The following CCDC170 variants were observed in gnomAD, a reference collection of about 807,000 sequenced individuals.
CCDC170 encodes coiled-coil domain-containing protein 170.
Under a neutral mutation model 72.6 loss-of-function variants are expected in CCDC170, and 69 were observed. The ratio of observed to expected loss-of-function variants is 0.95; its 90% CI spans 0.78 to 1.16. The LOEUF (loss-of-function observed/expected upper bound fraction) is 1.16. Among genes scored for constraint, CCDC170 ranks in the 50% most tolerant of loss-of-function variants. The pLI is 0.00. For synonymous variants in CCDC170, 300 were observed against 303.9 expected (o/e 0.99, Z 0.13); for missense variants, 852 against 832.5 (o/e 1.02, Z -0.29).
At chr6:151,518,631 G>A (rs1664990896) in intron 1 of CCDC170, among the ~76,000 whole-genome samples, 1 of 135,006 alleles carries the variant, frequency 7.4e-6, no homozygotes, top group South Asian at 2.4e-4. Flanking sequence ...GATAAACAAG[G>A]GGTATATGTA....
At chr6:151,580,022 T>C (rs1776358915) in intron 6 of CCDC170, among the ~76,000 whole-genome samples, 1 of 152,228 alleles carries the variant, frequency 6.6e-6, no homozygotes, top group South Asian at 2.1e-4. Flanking sequence ...CTACGTCAGA[T>C]GCTTACATCT....
At chr6:151,533,263 C>T (rs1186595205) in intron 1 of CCDC170, among the ~76,000 whole-genome samples, 6 of 151,478 alleles carry the variant, frequency 4.0e-5, no homozygotes, top group Non-Finnish European at 8.9e-5. Context: ...ACCATGTTAG[C>T]CAGGATGGTC....
chr6:151,563,083 C>T (rs1776068746), intron 5 of CCDC170, among the ~76,000 whole-genome samples: 1 of 152,158 alleles, frequency 6.6e-6, no homozygotes, highest in African/African-American at 2.4e-5. Flanking sequence ...CAGACCAGAG[C>T]AGGTACCTCC....
chr6:151,532,132 T>C (rs1291950661), intron 1 of CCDC170, among the ~76,000 whole-genome samples: 1 of 151,064 alleles, frequency 6.6e-6, no homozygotes, highest in African/African-American at 2.4e-5. Flanking sequence ...ATTTGCATGT[T>C]TACAGTGCAA....
intron 1 of CCDC170, among the ~76,000 whole-genome samples, chr6:151,529,392 C>T (rs1782459620): frequency 6.6e-6 from 1 of 152,152 alleles, no homozygotes; most frequent in South Asian, 2.1e-4. Context: ...GGCATAGTGA[C>T]TCACACCTGT....
In CCDC170 at chr6:151,494,179, G is replaced by A; in HGVS notation, c.51G>A (p.Ala17=). ...TCGCGCTGGGTGCCGCTTCGCCAGC[G>A]CCCGAGGTACGGTCCCAGCCGCCGG... is the stretch of plus-strand genomic sequence containing the variant. ...SHIALGAASP[A]PEETYDHLSE... The change falls in exon 1 of 11, where the codon GCG becomes GCA. Residue 17 remains alanine (A), a synonymous_variant. Transcript: ENST00000239374. 4.0e-6 allele frequency: 6 copies of A among 1,515,338 alleles called. No homozygotes were observed. The highest frequency in any genetic ancestry group is 4.4e-6 in the Non-Finnish European group (5 of 1,135,548). 93.9% of individuals were successfully genotyped at this position (1,515,338 alleles called of 1,614,324 possible).
At chr6:151,514,905 A>G (rs1381097072) in intron 1 of CCDC170, among the ~76,000 whole-genome samples, 1 of 152,214 alleles carries the variant, frequency 6.6e-6, no homozygotes, top group African/African-American at 2.4e-5. Context: ...TCACATTATT[A>G]CATCAGCTTA....
chr6:151,528,523 T>C (rs4870028), intron 1 of CCDC170, among the ~76,000 whole-genome samples: 137,153 of 152,238 alleles, frequency 0.9, 61,964 homozygotes, highest in East Asian at 0.99. Context: ...ATTGTGAAGG[T>C]AATACAGTTA....
At position 151,569,658 on chromosome 6, in the gene CCDC170, G is replaced by A. The variant is rs114332308; in HGVS notation, c.775-3516G>A. Among the ~76,000 whole-genome samples the A allele has an allele frequency of 2.6e-3, 397 of 152,252 alleles. 1 individual carries two copies. The highest frequency in any genetic ancestry group is 0.01 in the Middle Eastern group (3 of 292). ...ATTATTTTATGCCGCTTGCTTCGGC[G>A]TATCCTTGAGGTAGCCATGGAACCA... On this transcript the variant is annotated intron_variant, in intron 5 of 10. Transcript: ENST00000239374.
chr6:151,533,458 G>A (rs376910640), intron 1 of CCDC170, among the ~76,000 whole-genome samples: 19 of 151,684 alleles, frequency 1.3e-4, no homozygotes, highest in Admixed American at 3.9e-4. Flanking sequence ...ACCTGAGGTT[G>A]GGAGTCCAAG....
At chr6:151,578,547 A>G (rs1282723954) in intron 6 of CCDC170, among the ~76,000 whole-genome samples, 1 of 152,082 alleles carries the variant, frequency 6.6e-6, no homozygotes. Context: ...CCTCGTTTTC[A>G]CTTCATCACC....
At chr6:151,565,981 A>T (rs571035729) in intron 5 of CCDC170, among the ~76,000 whole-genome samples, 12 of 152,198 alleles carry the variant, frequency 7.9e-5, no homozygotes, top group Non-Finnish European at 1.0e-4. Flanking sequence ...GTGGTTGTCC[A>T]AGCACAGTCT....
chr6:151,526,169 T>TTC (rs1189096767), intron 1 of CCDC170, among the ~76,000 whole-genome samples: 1 of 144,976 alleles, frequency 6.9e-6, no homozygotes, highest in African/African-American at 2.5e-5. Context: ...CCCTCCTTCC[T>TTC]TCTCTCTCTC....
intron 5 of CCDC170, among the ~76,000 whole-genome samples, chr6:151,555,180 C>G (rs1782955358): frequency 6.6e-6 from 1 of 151,942 alleles, no homozygotes. Flanking sequence ...CCGTGCCCAG[C>G]CTGGACCTCA....
intron 6 of CCDC170, among the ~76,000 whole-genome samples, chr6:151,585,302 C>A (rs569573338): frequency 6.6e-6 from 1 of 152,154 alleles, no homozygotes; most frequent in Non-Finnish European, 1.5e-5. Context: ...GAGATGTTGA[C>A]CTCTCCAATG....
chr6:151,616,091 T>C lies in CCDC170; in HGVS notation c.1947+412T>C, dbSNP rs936811263. On this transcript the variant is annotated intron_variant, in intron 10 of 10. Transcript: ENST00000239374. The stretch of plus-strand genomic sequence containing the variant: ...AGGGTTTTGGTGAAAAAACAGGTTC[T>C]GGTTCTGGGGAGGTTTTTGTTATGT... Among the ~76,000 whole-genome samples the C allele has an allele frequency of 7.2e-5, 11 of 152,150 alleles. 1 individual carries two copies. The East Asian group carries it at 2.1e-3, about 29-fold the overall frequency.
intron 2 of CCDC170, among the ~76,000 whole-genome samples, chr6:151,537,191 T>C (rs1267547077): frequency 6.6e-6 from 1 of 152,180 alleles, no homozygotes; most frequent in East Asian, 1.9e-4. Flanking sequence ...CCATCTACCC[T>C]GTAGGCTAGC....
At chr6:151,524,570 A>G (rs1246063704) in intron 1 of CCDC170, among the ~76,000 whole-genome samples, 2 of 152,202 alleles carry the variant, frequency 1.3e-5, no homozygotes, top group African/African-American at 4.8e-5. Context: ...TTACTTAATT[A>G]AGAAATTGAT....
At chr6:151,535,595 T>C (rs915498199) in intron 1 of CCDC170, among the ~76,000 whole-genome samples, 2 of 152,192 alleles carry the variant, frequency 1.3e-5, no homozygotes, top group African/African-American at 4.8e-5. Flanking sequence ...GAGCTGATCA[T>C]CTTTGTGATC....
Sources: gnomAD v4.1 joint callset for allele counts (sites outside exome capture counted in the v4.1 genomes callset) on GRCh38, gnomAD v4.1.1 for gene constraint, MANE v1.5 for transcripts, NCBI Gene and HGNC (gene_info 2026-07-23, HGNC 2026-07-21) for gene names.